Variants in TRIM37 observed in about 807,000 individuals in gnomAD.
TRIM37 encodes tripartite motif containing 37.
TRIM37 carries 80 observed loss-of-function variants against 129.8 expected under a neutral mutation model. The observed-to-expected ratio is 0.62, with a 90% CI of 0.51 to 0.74. The LOEUF (loss-of-function observed/expected upper bound fraction) is 0.74. Ranked by LOEUF, TRIM37 falls within the 30% of genes least tolerant of loss-of-function variation. The pLI, the probability that TRIM37 is intolerant of heterozygous loss-of-function variation, is 0.00. For synonymous variants in TRIM37, 389 were observed against 387.1 expected (o/e 1.00, Z -0.06); for missense variants, 1,054 against 1,176.5 (o/e 0.90, Z 1.52).
At chr17:59,056,655 G>C (rs900489197) in intron 13 of TRIM37, among the ~76,000 whole-genome samples, 1 of 143,210 alleles carries the variant, frequency 7.0e-6, no homozygotes, top group African/African-American at 2.6e-5. Context: ...GCGTGAACCC[G>C]GGAGGCGGAG....
chr17:58,980,139 G>A, downstream of TRIM37: 1 of 1,614,134 alleles, frequency 6.2e-7, no homozygotes, highest in Non-Finnish European at 8.5e-7. The surrounding 1 kb of genome is among the most constrained non-coding windows in gnomAD (Gnocchi z 4.7). Context: ...GAGAATAATG[G>A]AGACAGCAGC....
intron 5 of TRIM37, among the ~76,000 whole-genome samples, chr17:59,081,937 C>CAAAAA (rs1157296161): frequency 2.0e-5 from 1 of 48,880 alleles, no homozygotes; most frequent in Non-Finnish European, 4.2e-5. Context: ...TAATAAAAAC[C>CAAAAA]AAAAAAAAAA....
rs1237722939 is a variant in TRIM37, at chr17:59,024,214, C to CAA, written c.2257+4199_2257+4200dup. ...GGGCAACAAGAGTGAAATTCCGTAT[C>CAA]AAAAAAAAAAAAAAAAAAAAAAAAA... On this transcript the variant is annotated intron_variant, in intron 19 of 23. Coordinates refer to ENST00000262294, the MANE Select transcript of TRIM37 (RefSeq NM_015294.6). 2.0e-3 allele frequency among the ~76,000 whole-genome samples: 148 copies of CAA among 74,934 alleles called. 1 individual carries two copies. Among genetic ancestry groups the CAA allele is most frequent in the Admixed American group, 8.5e-3 (50 of 5,894 alleles). 49.2% of individuals were successfully genotyped at this position (74,934 alleles called of 152,430 possible). A position where few individuals can be genotyped will look rare whatever the true frequency, so the allele number is the denominator to read the frequency against.
chr17:59,075,873 C>T (rs908215046), intron 7 of TRIM37, among the ~76,000 whole-genome samples, 159 bp from the exon 8 acceptor site: 1 of 152,082 alleles, frequency 6.6e-6, no homozygotes, highest in Non-Finnish European at 1.5e-5. Flanking sequence ...CTTTAAGAGG[C>T]TGAATATTAT....
intron 16 of TRIM37, among the ~76,000 whole-genome samples, chr17:59,044,494 G>C (rs574570400): frequency 6.6e-6 from 1 of 152,004 alleles, no homozygotes; most frequent in Middle Eastern, 3.4e-3. Flanking sequence ...CCCAGGAGAC[G>C]GAGGCTGCAG....
downstream of TRIM37, chr17:58,980,504 C>T: frequency 6.2e-7 from 1 of 1,614,186 alleles, no homozygotes. The surrounding 1 kb of genome is among the most constrained non-coding windows in gnomAD (Gnocchi z 4.7). Flanking sequence ...AAGCAAACCT[C>T]ACAGTGCCCA....
chr17:59,061,105 C>T lies in TRIM37; in HGVS notation c.946G>A (p.Gly316Arg). Residue 316 changes from glycine to arginine, a missense_variant, in exon 12 of 24, where the codon GGA becomes AGA. Transcript: ENST00000262294. ...TAGTAACCTCGCACAACTCCATTTC[C>T]ATCCTAAAAGAAGAATAATCAGTTT... Reference protein sequence around the residue: ...LCWRLKVYPDGNGVVRGYYLS... With the variant: ...LCWRLKVYPDRNGVVRGYYLS... 2 of 1,613,138 alleles carry T rather than the reference C, an allele frequency of 1.2e-6. No individual in the cohort carries two copies. Among genetic ancestry groups the T allele is most frequent in the Non-Finnish European group, 1.7e-6 (2 of 1,179,396 alleles).
chr17:59,017,990 CAGTT>C (rs1328605284), intron 19 of TRIM37, among the ~76,000 whole-genome samples: 1 of 152,108 alleles, frequency 6.6e-6, no homozygotes, highest in Non-Finnish European at 1.5e-5. Flanking sequence ...AATTTCAATG[CAGTT>C]AAACTATTAA....
chr17:59,075,545 C>CAG (rs1378512633), intron 8 of TRIM37, 102 bp downstream of exon 8: 17 of 774,746 alleles, frequency 2.2e-5, no homozygotes, highest in East Asian at 6.0e-5. Flanking sequence ...GCCTGGGCGA[C>CAG]AGAGAGAGAC....
intron 24 of TRIM37, among the ~76,000 whole-genome samples, chr17:58,987,738 C>T (rs1458382512): frequency 1.3e-5 from 2 of 151,978 alleles, no homozygotes; most frequent in African/African-American, 4.8e-5. Flanking sequence ...TTTCTATTTC[C>T]CAAATTTTTC....
At chr17:59,003,910 G>T (rs1460953402) in intron 22 of TRIM37, among the ~76,000 whole-genome samples, 1 of 112,640 alleles carries the variant, frequency 8.9e-6, no homozygotes, top group East Asian at 2.6e-4. Context: ...ACTTAGCAAA[G>T]CCCCATCTCT....
At position 58,987,231 on chromosome 17, in the gene TRIM37, T is replaced by A. The variant is rs148970879; in HGVS notation, c.2892-4310A>T. ...GTAACTGGAGTTTAACTAAAGATGA[T>A]GAAAAAGTTGTCCCTGCTAGTCATT... On this transcript the variant is annotated intron_variant, in intron 24 of 24. Transcript: ENST00000393066. Among the ~76,000 whole-genome samples, 3 of 152,288 alleles carry A rather than the reference T, an allele frequency of 2.0e-5. No individual in the cohort carries two copies. In the East Asian group the frequency reaches 5.8e-4, roughly 29 times the overall value.
chr17:58,968,826 GCAGTTTA>G, the TRIM37 span, among the ~76,000 whole-genome samples: 5 of 152,172 alleles, frequency 3.3e-5, no homozygotes, highest in African/African-American at 4.8e-5. Context: ...TCCTCCTCTG[GCAGTTTA>G]CTTTGCAAGG....
chr17:59,100,292 A>C (rs2045336650), intron 2 of TRIM37, among the ~76,000 whole-genome samples: 1 of 152,254 alleles, frequency 6.6e-6, no homozygotes, highest in African/African-American at 2.4e-5. Context: ...AGCTTCTTGT[A>C]CACGAATGTT....
At chr17:59,042,317 G>A (rs1461683284) in intron 16 of TRIM37, among the ~76,000 whole-genome samples, 1 of 147,868 alleles carries the variant, frequency 6.8e-6, no homozygotes. Flanking sequence ...CAAGCTTGCA[G>A]TGAGCCAAGA....
In TRIM37 at chr17:59,017,372, A is replaced by G. The variant is rs754555011; in HGVS notation, c.2310T>C (p.Gly770=). ...SPKPARSSVA[G]SLSLRRAVDP... Reference sequence around the variant, plus strand: ...CCACTGCTCTTCGAAGTGATAGACTACCTGCTACACTGGATCGAGCTGGCT... The same window carrying G: ...CCACTGCTCTTCGAAGTGATAGACTGCCTGCTACACTGGATCGAGCTGGCT... The change falls in exon 20 of 24, where the codon GGT becomes GGC. Residue 770 remains glycine, a synonymous_variant. Transcript: ENST00000262294. The G allele has an allele frequency of 6.2e-7, 1 of 1,613,996 alleles. No individual in the cohort carries two copies. The highest frequency in any genetic ancestry group is 1.3e-5 in the African/African-American group (1 of 74,912).
At chr17:59,037,040 G>A (rs947409506) in intron 17 of TRIM37, among the ~76,000 whole-genome samples, 1 of 152,024 alleles carries the variant, frequency 6.6e-6, no homozygotes. Flanking sequence ...GCTTGAACCC[G>A]GGAGGCAGAG....
downstream of TRIM37, among the ~76,000 whole-genome samples, chr17:58,995,050 T>C (rs931933158): frequency 6.6e-6 from 1 of 151,850 alleles, no homozygotes; most frequent in Non-Finnish European, 1.5e-5. Context: ...TGCCCGGCCA[T>C]ACATTTTCTT....
At chr17:59,056,574 T>TA (rs1599223757) in intron 13 of TRIM37, among the ~76,000 whole-genome samples, 1 of 150,680 alleles carries the variant, frequency 6.6e-6, no homozygotes, top group African/African-American at 2.4e-5. Flanking sequence ...CTAAAAATAG[T>TA]AAAAAATTAG....
Sources: allele counts gnomAD v4.1 joint callset (sites outside exome capture counted in the v4.1 genomes callset), GRCh38; gene constraint gnomAD v4.1.1; non-coding constraint Gnocchi (gnomAD v3.1); transcripts MANE v1.5; gene names NCBI Gene and HGNC (gene_info 2026-07-23, HGNC 2026-07-21).